Variants in NRXN3 observed in about 807,000 individuals in gnomAD.
NRXN3 encodes the protein neurexin III.
NRXN3 carries 32 observed loss-of-function variants against 137.6 expected under a neutral mutation model. The ratio of observed to expected loss-of-function variants is 0.23; its 90% CI spans 0.18 to 0.31. The LOEUF (loss-of-function observed/expected upper bound fraction) is 0.31. Ranked by LOEUF, NRXN3 falls within the 10% of genes least tolerant of loss-of-function variation. The pLI, the probability that NRXN3 is intolerant of heterozygous loss-of-function variation, is 1.00. For synonymous variants in NRXN3, 798 were observed against 784.5 expected (o/e 1.02, Z -0.29); for missense variants, 1,574 against 2,062.5 (o/e 0.76, Z 4.59).
intron 4 of NRXN3, among the ~76,000 whole-genome samples, chr14:78,360,350 G>A (rs1025687437): frequency 6.6e-6 from 1 of 152,170 alleles, no homozygotes; most frequent in African/African-American, 2.4e-5. Flanking sequence ...AAATATTTGA[G>A]ACCACTGCTT....
At chr14:78,373,155 C>T (rs907709945) in intron 4 of NRXN3, among the ~76,000 whole-genome samples, 1 of 152,090 alleles carries the variant, frequency 6.6e-6, no homozygotes. Context: ...CATTGGAGGT[C>T]GAGAATGCCA....
rs114247885 is a variant in NRXN3, at chr14:79,583,315, C to T, written c.3445-80463C>T. The stretch of plus-strand genomic sequence containing the variant: ...GGATCTAAGTAAAGCCCTTAAGACA[C>T]TGCCTGGGTATAAAGCAGCTATGTA... On this transcript the variant is annotated intron_variant, in intron 16 of 20. Transcript: ENST00000335750. Among the ~76,000 whole-genome samples the T allele has an allele frequency of 4.1e-3, 622 of 152,240 alleles. 8 individuals are homozygous for T. The highest frequency in any genetic ancestry group is 0.014 in the African/African-American group (584 of 41,522).
chr14:79,504,994 C>T (rs2153680701), intron 16 of NRXN3, among the ~76,000 whole-genome samples: 1 of 152,218 alleles, frequency 6.6e-6, no homozygotes, highest in East Asian at 1.9e-4. Flanking sequence ...GTGGGCAGAT[C>T]ACCTGAGGTC....
chr14:78,680,849 T>C (rs541375368), intron 6 of NRXN3, among the ~76,000 whole-genome samples: 1 of 152,302 alleles, frequency 6.6e-6, no homozygotes, highest in South Asian at 2.1e-4. Context: ...GTCTACAATC[T>C]GAGGAAATGC....
intron 10 of NRXN3, among the ~76,000 whole-genome samples, chr14:78,954,023 T>G (rs557345042): frequency 1.9e-4 from 29 of 152,226 alleles, no homozygotes; most frequent in Non-Finnish European, 3.5e-4. Context: ...ACTGGGTTTT[T>G]GCTTGAATAG....
intron 16 of NRXN3, among the ~76,000 whole-genome samples, chr14:79,639,616 G>A (rs540578193): frequency 2.3e-4 from 35 of 152,162 alleles, no homozygotes; most frequent in Non-Finnish European, 4.0e-4. Context: ...AAATGAGAAT[G>A]TCAGTCTTGA....
intron 4 of NRXN3, among the ~76,000 whole-genome samples, chr14:78,531,843 G>A (rs907710837): frequency 2.1e-4 from 32 of 152,230 alleles, no homozygotes; most frequent in African/African-American, 7.0e-4. Context: ...TTTCTAGGAG[G>A]TAAAGCTTTT....
At chr14:79,378,166 C>T (rs1254927221) in intron 15 of NRXN3, among the ~76,000 whole-genome samples, 1 of 152,196 alleles carries the variant, frequency 6.6e-6, no homozygotes, top group Non-Finnish European at 1.5e-5. Flanking sequence ...CCTTCATTAC[C>T]AGTTTCTTTC....
In NRXN3 at chr14:79,862,018, A is replaced by T. The variant is rs1224750129; in HGVS notation, c.*54A>T. 11 of 1,403,326 alleles carry T rather than the reference A, an allele frequency of 7.8e-6. No homozygotes were observed. The Admixed American group carries it at 2.0e-4, about 26-fold the overall frequency. 86.9% of individuals were successfully genotyped at this position (1,403,326 alleles called of 1,614,324 possible). A position where few individuals can be genotyped will look rare whatever the true frequency, so the allele number is the denominator to read the frequency against. On this transcript the variant is annotated 3_prime_UTR_variant, in exon 21 of 21. Coordinates refer to ENST00000335750, the MANE Select transcript of NRXN3 (RefSeq NM_001330195.2). ...TTCACAGTTATTTCTATCCACGCCT[A>T]TGAATCTTTGGACGGTGAGATCTCA...
At chr14:78,886,664 T>C (rs2099144695) in intron 10 of NRXN3, among the ~76,000 whole-genome samples, 1 of 152,156 alleles carries the variant, frequency 6.6e-6, no homozygotes, top group Non-Finnish European at 1.5e-5. Context: ...TCTAAATTAC[T>C]GATTTCATTA....
intron 15 of NRXN3, among the ~76,000 whole-genome samples, chr14:79,445,325 C>T (rs953724852): frequency 3.7e-4 from 53 of 144,308 alleles, no homozygotes; most frequent in African/African-American, 1.0e-4. Flanking sequence ...GGTGACAGAG[C>T]AAGACCCCAT....
intron 4 of NRXN3, among the ~76,000 whole-genome samples, chr14:78,556,965 C>T (rs2096744188): frequency 9.8e-6 from 1 of 102,280 alleles, no homozygotes; most frequent in African/African-American, 3.8e-5. Context: ...TCCCCCTCCC[C>T]TCCCCTCCCT....
At chr14:79,845,153 T>G (rs1387014086) in intron 20 of NRXN3, among the ~76,000 whole-genome samples, 1 of 152,238 alleles carries the variant, frequency 6.6e-6, no homozygotes, top group East Asian at 1.9e-4. Context: ...AGTTAGGGCC[T>G]TTCTCTGCAT....
intron 4 of NRXN3, among the ~76,000 whole-genome samples, chr14:78,451,027 G>A (rs970960457): frequency 3.3e-5 from 5 of 152,102 alleles, no homozygotes; most frequent in African/African-American, 9.7e-5. Flanking sequence ...AGGAATGAGG[G>A]CAGAGATGGG....
chr14:79,380,297 T>A (rs1220906826), intron 15 of NRXN3, among the ~76,000 whole-genome samples: 2 of 151,768 alleles, frequency 1.3e-5, no homozygotes, highest in African/African-American at 4.8e-5. Context: ...GCTGCACCCA[T>A]TAACTCGTCA....
chr14:78,873,774 A>T (rs2152572872), intron 10 of NRXN3, among the ~76,000 whole-genome samples: 1 of 152,280 alleles, frequency 6.6e-6, no homozygotes, highest in Non-Finnish European at 1.5e-5. Context: ...TTGGAAGTAC[A>T]GATTCTTAGT....
chr14:78,573,714 T>G (rs1460069501), intron 4 of NRXN3, among the ~76,000 whole-genome samples: 3 of 152,174 alleles, frequency 2.0e-5, no homozygotes, highest in Non-Finnish European at 4.4e-5. Context: ...GGAACTTATA[T>G]TTAAAAGGTA....
At chr14:79,696,572 TCTTA>T (rs1408403752) in intron 18 of NRXN3, among the ~76,000 whole-genome samples, 5 of 151,952 alleles carry the variant, frequency 3.3e-5, no homozygotes, top group East Asian at 1.9e-4. Context: ...TTTAAAAAGC[TCTTA>T]CTTTGAGTTT....
intron 15 of NRXN3, among the ~76,000 whole-genome samples, chr14:79,052,595 G>A (rs142846392): frequency 5.9e-5 from 9 of 152,260 alleles, no homozygotes; most frequent in African/African-American, 2.2e-4. Context: ...TCTCCTGCAG[G>A]GAGCTTTCTC....
Sources: gnomAD v4.1 joint callset for allele counts (sites outside exome capture counted in the v4.1 genomes callset) on GRCh38, gnomAD v4.1.1 for gene constraint, MANE v1.5 for transcripts, NCBI Gene and HGNC (gene_info 2026-07-23, HGNC 2026-07-21) for gene names.